Variants in DNAJC1 observed in about 807,000 individuals in gnomAD.
The protein encoded by DNAJC1 is dnaJ homolog subfamily C member 1.
A neutral mutation model predicts 76.6 loss-of-function variants in DNAJC1; 58 were observed. The observed-to-expected ratio is 0.76, with a 90% CI of 0.61 to 0.94. The LOEUF (loss-of-function observed/expected upper bound fraction) is 0.94, where lower values mean the gene tolerates loss of function less well. DNAJC1 is among the 40% of genes least tolerant of loss of function. The pLI is 0.00. For missense variants in DNAJC1, 689 were observed against 677.3 expected, an observed-to-expected ratio of 1.02 and a Z score of -0.19; for synonymous variants, 258 against 267.9, an observed-to-expected ratio of 0.96 and a Z score of 0.36.
At chr10:21,912,776 C>T (rs1836888767) in intron 6 of DNAJC1, among the ~76,000 whole-genome samples, 1 of 151,800 alleles carries the variant, frequency 6.6e-6, no homozygotes, top group Non-Finnish European at 1.5e-5. Context: ...TGCTAATTAG[C>T]TGTGAATGTT....
intron 9 of DNAJC1, among the ~76,000 whole-genome samples, chr10:21,773,867 C>G (rs1308282391): frequency 6.6e-6 from 1 of 150,670 alleles, no homozygotes; most frequent in East Asian, 1.9e-4. Context: ...AAGGGCCGGG[C>G]GCGGTGGCTC....
intron 8 of DNAJC1, among the ~76,000 whole-genome samples, chr10:21,859,376 T>C (rs1835888019): frequency 1.3e-5 from 2 of 152,176 alleles, no homozygotes; most frequent in Admixed American, 1.3e-4. Flanking sequence ...AAAATACTAT[T>C]ACCTAAGATT....
intron 11 of DNAJC1, among the ~76,000 whole-genome samples, chr10:21,757,081 T>C (rs1209688794): frequency 6.6e-6 from 1 of 152,240 alleles, no homozygotes; most frequent in Non-Finnish European, 1.5e-5. Flanking sequence ...CACTCTTTTA[T>C]CACAACATGC....
chr10:21,965,035 A>G (rs979157107), intron 1 of DNAJC1, among the ~76,000 whole-genome samples: 1 of 152,236 alleles, frequency 6.6e-6, no homozygotes, highest in East Asian at 1.9e-4. Context: ...ATTCTCAAAA[A>G]TATCTCAGTC....
At chr10:21,903,473 T>G (rs917980775) in intron 7 of DNAJC1, among the ~76,000 whole-genome samples, 2 of 152,204 alleles carry the variant, frequency 1.3e-5, no homozygotes, top group African/African-American at 4.8e-5. Flanking sequence ...TATTTTGTAT[T>G]TGTAAGTATT....
chr10:21,922,630 T>C (rs917539474), intron 3 of DNAJC1, among the ~76,000 whole-genome samples: 1 of 152,012 alleles, frequency 6.6e-6, no homozygotes, highest in Non-Finnish European at 1.5e-5. Context: ...CAAAAATTTA[T>C]GTTTAAATCT....
intron 1 of DNAJC1, among the ~76,000 whole-genome samples, chr10:21,966,422 T>G (rs1837890053): frequency 8.6e-6 from 1 of 116,878 alleles, no homozygotes; most frequent in South Asian, 3.5e-4. Context: ...CTGGGGTGTT[T>G]ATCTAGTGGT....
chr10:21,969,713 T>G (rs1330657785), intron 1 of DNAJC1, among the ~76,000 whole-genome samples: 1 of 152,198 alleles, frequency 6.6e-6, no homozygotes, highest in Non-Finnish European at 1.5e-5. Context: ...AAGTAGTACA[T>G]AAAATAATGG....
chr10:21,923,079 T>C (rs1249428382), intron 3 of DNAJC1, among the ~76,000 whole-genome samples: 2 of 151,934 alleles, frequency 1.3e-5, no homozygotes, highest in Admixed American at 6.6e-5. Flanking sequence ...TACGTACAAA[T>C]TGTATTTGGT....
rs1246596948 is a variant in DNAJC1, at chr10:21,908,075, AATAT to A, written c.730-3467_730-3464del. Among the ~76,000 whole-genome samples, 3 of 115,662 alleles carry A rather than the reference AATAT, an allele frequency of 2.6e-5. No homozygotes were observed. In the Admixed American group the frequency reaches 3.8e-4, roughly 14 times the overall value. 75.9% of individuals were successfully genotyped at this position (115,662 alleles called of 152,430 possible). A position where few individuals can be genotyped will look rare whatever the true frequency, so the allele number is the denominator to read the frequency against. On this transcript the variant is annotated intron_variant, in intron 6 of 11. Transcript: ENST00000376980. ...AAATATATATAATATAATATACATA[AATAT>A]ATATTATATATAAAATATATATAAT...
chr10:21,956,301 T>G (rs1380788587), intron 1 of DNAJC1, among the ~76,000 whole-genome samples: 1 of 152,210 alleles, frequency 6.6e-6, no homozygotes, highest in African/African-American at 2.4e-5. Context: ...CTTCATGACC[T>G]AATCACCTTT....
chr10:21,799,951 C>T (rs1834795762), intron 9 of DNAJC1, among the ~76,000 whole-genome samples: 1 of 152,114 alleles, frequency 6.6e-6, no homozygotes, highest in Non-Finnish European at 1.5e-5. Context: ...TTCCAATTTC[C>T]TTTACTTTGG....
At chr10:21,896,565 C>T (rs1388132001) in intron 7 of DNAJC1, among the ~76,000 whole-genome samples, 1 of 152,080 alleles carries the variant, frequency 6.6e-6, no homozygotes, top group East Asian at 1.9e-4. Context: ...GGGGAATTGG[C>T]CTCAGAATGA....
intron 7 of DNAJC1, among the ~76,000 whole-genome samples, chr10:21,886,533 A>T (rs1836368684): frequency 6.6e-6 from 1 of 152,116 alleles, no homozygotes; most frequent in Non-Finnish European, 1.5e-5. Context: ...CAACAAAAAA[A>T]CTTCAGTTCA....
intron 8 of DNAJC1, among the ~76,000 whole-genome samples, chr10:21,806,952 C>T (rs192765089): frequency 2.6e-5 from 4 of 152,218 alleles, no homozygotes; most frequent in Non-Finnish European, 4.4e-5. Flanking sequence ...TAGTCAAACC[C>T]CAAAGTGAGC....
chr10:21,974,182 A>G (rs954914569), intron 1 of DNAJC1, among the ~76,000 whole-genome samples: 2 of 152,148 alleles, frequency 1.3e-5, no homozygotes, highest in African/African-American at 4.8e-5. Context: ...AGGTCTTAAC[A>G]CTTTTCTTTT....
intron 1 of DNAJC1, among the ~76,000 whole-genome samples, chr10:21,968,579 C>T (rs907378530): frequency 2.6e-5 from 4 of 151,620 alleles, no homozygotes; most frequent in Non-Finnish European, 5.9e-5. Context: ...ACGACGATCT[C>T]GGCTCACTGC....
At chr10:21,948,533 T>C (rs1837543317) in intron 1 of DNAJC1, among the ~76,000 whole-genome samples, 1 of 152,202 alleles carries the variant, frequency 6.6e-6, no homozygotes, top group Non-Finnish European at 1.5e-5. Context: ...TTTAACTTTC[T>C]GAGGTTTCAG....
intron 6 of DNAJC1, among the ~76,000 whole-genome samples, chr10:21,914,910 T>C (rs1836926005): frequency 1.3e-5 from 2 of 152,176 alleles, no homozygotes; most frequent in African/African-American, 2.4e-5. Context: ...CTTACTTCTC[T>C]GACTATCTAC....
Sources: gnomAD v4.1 joint callset for allele counts (sites outside exome capture counted in the v4.1 genomes callset) on GRCh38, gnomAD v4.1.1 for gene constraint, MANE v1.5 for transcripts, NCBI Gene and HGNC (gene_info 2026-07-23, HGNC 2026-07-21) for gene names.